CNTNAP3B: variants seen among roughly 807,000 people sequenced by gnomAD.
CNTNAP3B encodes the protein contactin-associated protein-like 3B.
A neutral mutation model predicts 108.9 loss-of-function variants in CNTNAP3B; 25 were observed. That is an observed-to-expected ratio of 0.23 (90% confidence interval 0.17 to 0.32). CNTNAP3B has a LOEUF of 0.32. CNTNAP3B is among the 10% of genes least tolerant of loss of function. The pLI, the probability that CNTNAP3B is intolerant of heterozygous loss-of-function variation, is 1.00. For synonymous variants in CNTNAP3B, 103 were observed against 473.4 expected, an observed-to-expected ratio of 0.22 and a Z score of 10.16; for missense variants, 252 against 1,210.4, an observed-to-expected ratio of 0.21 and a Z score of 11.75.
intron 3 of CNTNAP3B, among the ~76,000 whole-genome samples, chr9:42,075,654 C>G (rs1445949109): frequency 1.6e-5 from 2 of 126,244 alleles, no homozygotes; most frequent in African/African-American, 6.4e-5. Flanking sequence ...CTGTCATTGA[C>G]GTATTTTTTT....
chr9:41,990,366 T>TA (rs1825782974), intron 8 of CNTNAP3B, among the ~76,000 whole-genome samples: 1 of 127,250 alleles, frequency 7.9e-6, no homozygotes, highest in Non-Finnish European at 1.6e-5. Context: ...TTCTAAAAGA[T>TA]AAAAAATATA....
At chr9:41,930,621 G>C in intron 14 of CNTNAP3B, among the ~76,000 whole-genome samples, 1 of 152,268 alleles carries the variant, frequency 6.6e-6, no homozygotes, top group Non-Finnish European at 1.5e-5. Flanking sequence ...CCTGGGAATT[G>C]AGGACACAGA....
In CNTNAP3B at chr9:42,094,123, A is replaced by G. The variant is rs1359955409; in HGVS notation, c.196+10506T>C. Among the ~76,000 whole-genome samples the G allele has an allele frequency of 4.3e-5, 6 of 138,110 alleles. 1 individual carries two copies. The highest frequency in any genetic ancestry group is 1.7e-4 in the African/African-American group (6 of 34,698). 90.6% of individuals were successfully genotyped at this position (138,110 alleles called of 152,430 possible). On this transcript the variant is annotated intron_variant, in intron 2 of 23. Coordinates refer to ENST00000377561, the MANE Select transcript of CNTNAP3B (RefSeq NM_001201380.3). Reference sequence around the variant, plus strand: ...AAGGATAAGATAGCACCCTTCCTTCAAGGAAGTTAGAATTGCACAAAGCGT... The same window carrying G: ...AAGGATAAGATAGCACCCTTCCTTCGAGGAAGTTAGAATTGCACAAAGCGT...
chr9:42,005,064 TG>T, intron 4 of CNTNAP3B, among the ~76,000 whole-genome samples: 1 of 49,738 alleles, frequency 2.0e-5, no homozygotes, highest in Middle Eastern at 6.1e-3. Flanking sequence ...GATAGTTGAT[TG>T]CACAGAGTCT....
intron 3 of CNTNAP3B, among the ~76,000 whole-genome samples, chr9:42,022,073 T>A (rs1416033919): frequency 7.4e-6 from 1 of 134,954 alleles, no homozygotes; most frequent in Non-Finnish European, 1.6e-5. Context: ...TAGAGGAGCC[T>A]AAATTCTGCT....
chr9:41,956,321 G>T (rs149395459), intron 12 of CNTNAP3B, among the ~76,000 whole-genome samples: 4 of 151,668 alleles, frequency 2.6e-5, no homozygotes, highest in Admixed American at 2.6e-4. Context: ...GGGAGGTGGA[G>T]GTTGCAGTGA....
chr9:41,913,786 GC>G (rs1823460140), intron 18 of CNTNAP3B, among the ~76,000 whole-genome samples: 1 of 114,460 alleles, frequency 8.7e-6, no homozygotes, highest in Non-Finnish European at 1.8e-5. Context: ...CTTGGGTCTG[GC>G]TTATTTCACT....
Position 42,117,045 on chromosome 9 carries a change from A to G in CNTNAP3B, c.85+11965T>C, listed in dbSNP as rs569555284. ...TAAAGCAAGTCCTTAGAGGTGTACA[A>G]ACAGACTTAGACTTCCACACAATAA... On this transcript the variant is annotated intron_variant, in intron 1 of 23. Transcript: ENST00000377561. Among the ~76,000 whole-genome samples, 116 of 139,200 alleles carry G rather than the reference A, an allele frequency of 8.3e-4. 26 individuals carry two copies. Among genetic ancestry groups the G allele is most frequent in the African/African-American group, 3.3e-3 (115 of 35,094 alleles). The allele number at this position is 139,200 out of a possible 152,430, so 91.3% of individuals were successfully genotyped here.
chr9:41,993,922 A>T (rs1587183989), intron 7 of CNTNAP3B: 2 of 141,272 alleles, frequency 1.4e-5, no homozygotes, highest in Middle Eastern at 3.5e-3. Context: ...TACACATTTT[A>T]ATAACCTCAT....
intron 9 of CNTNAP3B, among the ~76,000 whole-genome samples, chr9:41,976,901 CAG>C (rs1279947477): frequency 2.2e-5 from 3 of 137,418 alleles, no homozygotes; most frequent in South Asian, 4.7e-4. Context: ...GCCTGGGCAA[CAG>C]AGTGACTCCC....
chr9:42,122,564 T>C (rs1828486735), intron 1 of CNTNAP3B, among the ~76,000 whole-genome samples: 1 of 132,680 alleles, frequency 7.5e-6, no homozygotes, highest in Non-Finnish European at 1.6e-5. Context: ...TATAATATTA[T>C]ATATTTATTT....
intron 3 of CNTNAP3B, among the ~76,000 whole-genome samples, chr9:42,019,591 CAAAAAA>C (rs569640352): frequency 2.0e-4 from 20 of 100,774 alleles, no homozygotes; most frequent in African/African-American, 8.6e-4. Context: ...ATCTCTACTT[CAAAAAA>C]AAAAAAAAAA....
intron 10 of CNTNAP3B, among the ~76,000 whole-genome samples, chr9:41,968,820 A>T: frequency 6.7e-6 from 1 of 148,752 alleles, no homozygotes. Context: ...TTTTTTTGAG[A>T]AGAGTCTGGC....
chr9:42,122,104 T>A (rs28532969), intron 1 of CNTNAP3B, among the ~76,000 whole-genome samples: 62,781 of 137,296 alleles, frequency 0.46, 19,156 homozygotes, highest in East Asian at 0.71. Flanking sequence ...GGCAGCAGGC[T>A]TTGCTTGCCC....
At chr9:42,003,215 T>C (rs965987464) in intron 4 of CNTNAP3B, among the ~76,000 whole-genome samples, 1 of 134,214 alleles carries the variant, frequency 7.5e-6, no homozygotes, top group Non-Finnish European at 1.6e-5. Flanking sequence ...ACACCCAGAA[T>C]GTACTCTTAA....
At chr9:42,119,670 A>G (rs1183370613) in intron 1 of CNTNAP3B, among the ~76,000 whole-genome samples, 2 of 139,106 alleles carry the variant, frequency 1.4e-5, no homozygotes, top group East Asian at 2.1e-4. Flanking sequence ...AAATAATGCC[A>G]CATATCTACA....
At chr9:41,915,832 A>G (rs1823502723) in intron 18 of CNTNAP3B, among the ~76,000 whole-genome samples, 2 of 151,128 alleles carry the variant, frequency 1.3e-5, no homozygotes, top group South Asian at 4.2e-4. Flanking sequence ...CCTGGGATAA[A>G]TCCTACTAGG....
At position 42,121,281 on chromosome 9, in the gene CNTNAP3B, A is replaced by G. The variant is rs578077847; in HGVS notation, c.85+7729T>C. On this transcript the variant is annotated intron_variant, in intron 1 of 23. Transcript: ENST00000377561. The stretch of plus-strand genomic sequence containing the variant: ...GCTCAATGACACCCCCTTTTGGTGG[A>G]TTTTTCTTCTCTATTCCATTCTTCC... Among the ~76,000 whole-genome samples, 14 of 138,750 alleles carry G rather than the reference A, an allele frequency of 1.0e-4. 2 individuals are homozygous for G. In the East Asian group the frequency reaches 2.4e-3, roughly 24 times the overall value. The allele number at this position is 138,750 out of a possible 152,430, so 91.0% of individuals were successfully genotyped here.
chr9:41,928,265 T>A (rs1225753487), intron 15 of CNTNAP3B, among the ~76,000 whole-genome samples: 3 of 152,130 alleles, frequency 2.0e-5, no homozygotes, highest in Non-Finnish European at 2.9e-5. Context: ...GCAGCATGAG[T>A]GTCAGAATAT....
Sources: gnomAD v4.1 joint callset for allele counts (sites outside exome capture counted in the v4.1 genomes callset) on GRCh38, gnomAD v4.1.1 for gene constraint, MANE v1.5 for transcripts, NCBI Gene and HGNC (gene_info 2026-07-23, HGNC 2026-07-21) for gene names.